USP22: variants seen among roughly 807,000 people sequenced by gnomAD.
The protein encoded by USP22 is ubiquitin specific peptidase 22.
In USP22, 22 loss-of-function variants were observed where a neutral mutation model predicts 68.1. That is an observed-to-expected ratio of 0.32 (90% CI 0.23 to 0.46). The LOEUF is 0.46. USP22 is among the 20% of genes least tolerant of loss of function. The probability of loss-of-function intolerance (pLI) is 1.00; values close to 1 mark genes in which losing one functional copy is unlikely to be tolerated. For missense variants in USP22, 433 were observed against 695.8 expected, an observed-to-expected ratio of 0.62 and a Z score of 4.25; for synonymous variants, 279 against 274.2, an observed-to-expected ratio of 1.02 and a Z score of -0.17.
intron 8 of USP22, among the ~76,000 whole-genome samples, chr17:21,009,083 C>T (rs961289504): frequency 2.1e-5 from 2 of 94,808 alleles, no homozygotes; most frequent in Middle Eastern, 7.6e-3. Flanking sequence ...AAGAGCAAGA[C>T]TCCATTTCAA....
chr17:21,020,996 T>TCTTCCCACCAGCCTGCCA (rs1972150115), intron 3 of USP22, 117 bp downstream of exon 3: 2 of 776,862 alleles, frequency 2.6e-6, no homozygotes, highest in Non-Finnish European at 2.2e-6. Context: ...GGGGACGGCC[T>TCTTCCCACCAGCCTGCCA]CTTCCCACCA....
chr17:21,043,377 G>A (rs1483048703), upstream of USP22: 2 of 212,956 alleles, frequency 9.4e-6, no homozygotes, highest in Non-Finnish European at 1.7e-5. Flanking sequence ...GCCGCCTCCC[G>A]GGACCCTGGC....
chr17:21,016,293 A>C (rs1235677958), intron 5 of USP22, among the ~76,000 whole-genome samples: 2 of 152,216 alleles, frequency 1.3e-5, no homozygotes, highest in Non-Finnish European at 2.9e-5. Context: ...GATTATGCAG[A>C]ATTCACCAGC....
intron 1 of USP22, among the ~76,000 whole-genome samples, chr17:21,035,835 C>T (rs1030085273): frequency 6.6e-6 from 1 of 151,738 alleles, no homozygotes; most frequent in Non-Finnish European, 1.5e-5. Context: ...TCGAGACCAT[C>T]CTGGCTAACA....
At position 21,015,876 on chromosome 17, in the gene USP22, A is replaced by AG; in HGVS notation, c.713dup (p.His239SerfsTer5). The AG allele has an allele frequency of 6.2e-7, 1 of 1,614,132 alleles. No homozygotes were observed. The highest frequency in any genetic ancestry group is 8.5e-7 in the Non-Finnish European group (1 of 1,180,022). ...GGTGCAGCAACTTATACGGGATGTGAGGGGACCGGTGTCCAGAGTAAAACT... is the reference window on the plus strand; with the variant it reads ...GGTGCAGCAACTTATACGGGATGTGAGGGGGACCGGTGTCCAGAGTAAAACT... On this transcript the variant is annotated frameshift_variant, in exon 6 of 13. Coordinates refer to ENST00000261497, the MANE Select transcript of USP22 (RefSeq NM_015276.2). LOFTEE classifies it high-confidence loss of function.
intron 1 of USP22, among the ~76,000 whole-genome samples, chr17:21,032,837 G>T (rs959196730): frequency 2.7e-5 from 4 of 146,392 alleles, no homozygotes; most frequent in African/African-American, 1.0e-4. Flanking sequence ...TACTCAGGAT[G>T]GTTTGAGCCC....
intron 11 of USP22, among the ~76,000 whole-genome samples, chr17:21,004,684 C>T (rs1316622088): frequency 6.6e-6 from 1 of 152,236 alleles, no homozygotes; most frequent in Non-Finnish European, 1.5e-5. Flanking sequence ...CCAGATGGAA[C>T]CTCCCTCCTG....
Position 21,043,010 on chromosome 17 carries a change from A to G in USP22, c.-175T>C. 1 of 326,288 alleles carries G rather than the reference A, an allele frequency of 3.1e-6. No homozygotes were observed. Among genetic ancestry groups the G allele is most frequent in the South Asian group, 1.3e-4 (1 of 7,774 alleles). The allele number at this position is 326,288 out of a possible 1,614,324, so 20.2% of individuals were successfully genotyped here. On this transcript the variant is annotated 5_prime_UTR_variant, in exon 1 of 13. Coordinates refer to ENST00000261497, the MANE Select transcript of USP22 (RefSeq NM_015276.2). ...GCGCGATCGCCGAGGGGAGGCTGCA[A>G]GGCAGGCACCGCCCCCGAGCTGCGG...
At chr17:21,038,466 C>G (rs1972383870) in intron 1 of USP22, among the ~76,000 whole-genome samples, 1 of 152,022 alleles carries the variant, frequency 6.6e-6, no homozygotes, top group African/African-American at 2.4e-5. Context: ...CTCAGAAGTT[C>G]AAGACCAGCC....
rs1913497472 is a variant in USP22 at position 20,999,821 on chromosome 17, A to G, written c.*3210T>C. 2 of 152,264 alleles carry G rather than the reference A, an allele frequency of 1.3e-5. No individual in the cohort carries two copies. Among genetic ancestry groups the G allele is most frequent in the South Asian group, 2.1e-4 (1 of 4,838 alleles). 9.4% of individuals were successfully genotyped at this position (152,264 alleles called of 1,614,324 possible). On this transcript the variant is annotated 3_prime_UTR_variant, in exon 13 of 13. Coordinates refer to ENST00000261497, the MANE Select transcript of USP22 (RefSeq NM_015276.2). Reference sequence around the variant, plus strand: ...AAATTGTCAAAAGAACAGCAATTTTACACAATGAAGAGCATACACACCAAG... The same window carrying G: ...AAATTGTCAAAAGAACAGCAATTTTGCACAATGAAGAGCATACACACCAAG...
At position 21,032,922 on chromosome 17, in the gene USP22, C is replaced by CAAAAAAAA. The variant is rs753804890; in HGVS notation, c.172-4256_172-4249dup. Among the ~76,000 whole-genome samples, 125 of 91,542 alleles carry CAAAAAAAA rather than the reference C, an allele frequency of 1.4e-3. 1 individual carries two copies. Among genetic ancestry groups the CAAAAAAAA allele is most frequent in the South Asian group, 6.4e-3 (16 of 2,510 alleles). 60.1% of individuals were successfully genotyped at this position (91,542 alleles called of 152,430 possible). On this transcript the variant is annotated intron_variant, in intron 1 of 12. Transcript: ENST00000261497. ...TGAGCAACAGAACCAGACCCTGTCTCAAAAAAAAAAAAAAAAAAAAAAAAA... is the reference window on the plus strand; with the variant it reads ...TGAGCAACAGAACCAGACCCTGTCTCAAAAAAAAAAAAAAAAAAAAAAAAAAAAAAAAA...
chr17:21,016,865 G>A (rs115188707), intron 5 of USP22, among the ~76,000 whole-genome samples: 1,571 of 152,186 alleles, frequency 0.01, 27 homozygotes, highest in African/African-American at 0.036. Context: ...TGCATTCGTC[G>A]AAACTCATCT....
chr17:21,011,501 G>A (rs1913969308), intron 7 of USP22, 192 bp from the exon 8 acceptor site: 3 of 662,488 alleles, frequency 4.5e-6, no homozygotes. Context: ...AGGTGGCCCT[G>A]GGGAGGGGTG....
chr17:21,005,178 G>A (rs1248824899), intron 10 of USP22, 188 bp from the exon 11 acceptor site: 1 of 687,656 alleles, frequency 1.5e-6, no homozygotes, highest in Non-Finnish European at 2.4e-6. Flanking sequence ...GGAGGCCCCT[G>A]CCTCAGAGCA....
intron 12 of USP22, 59 bp from the exon 13 acceptor site, chr17:21,003,132 C>A: frequency 6.3e-7 from 1 of 1,596,230 alleles, no homozygotes; most frequent in Non-Finnish European, 8.6e-7. Flanking sequence ...GGAGCCAGAA[C>A]AACCCACCCT....
At chr17:21,010,184 A>G (rs1913910376) in intron 8 of USP22, among the ~76,000 whole-genome samples, 1 of 152,130 alleles carries the variant, frequency 6.6e-6, no homozygotes, top group Non-Finnish European at 1.5e-5. Flanking sequence ...ATAAACATGC[A>G]ACTTTGGTCG....
At position 21,017,922 on chromosome 17, in the gene USP22, C is replaced by A; in HGVS notation, c.690+20G>T. On this transcript the variant is annotated intron_variant, in intron 5 of 12. Transcript: ENST00000261497. Reference sequence around the variant, plus strand: ...ACAAAGTAACAGAAATGTTCCCCTGCAGAAGTCAATGGCGCTCACCTCCTG... The same window carrying A: ...ACAAAGTAACAGAAATGTTCCCCTGAAGAAGTCAATGGCGCTCACCTCCTG... The A allele has an allele frequency of 6.2e-7, 1 of 1,611,260 alleles. No homozygotes were observed. The highest frequency in any genetic ancestry group is 8.5e-7 in the Non-Finnish European group (1 of 1,179,226).
At position 21,004,977 on chromosome 17, in the gene USP22, T is replaced by C; in HGVS notation, c.1336A>G (p.Met446Val). ...GTGGGCTGCTGGTACTGTCCATTCA[T>C]CCTGCTCTCTTTGCTGTAACAGACA... ...PFMASSKESR[M>V]NGQYQQPTDS... Residue 446 changes from methionine to valine, a missense_variant, in exon 11 of 13, where the codon ATG (methionine) becomes GTG (valine). Around this residue, in one of 4 missense-constraint regions of USP22, gnomAD observed 178 missense variants for 351.5 expected, o/e 0.51. Coordinates refer to ENST00000261497, the MANE Select transcript of USP22 (RefSeq NM_015276.2). 6.2e-7 allele frequency: 1 copy of C among 1,614,220 alleles called. No individual in the cohort carries two copies. Among genetic ancestry groups the C allele is most frequent in the Non-Finnish European group, 8.5e-7 (1 of 1,180,038 alleles).
chr17:21,007,909 A>G lies in USP22; in HGVS notation c.1191T>C (p.Thr397=). 6.2e-7 allele frequency: 1 copy of G among 1,614,154 alleles called. No individual in the cohort carries two copies. The highest frequency in any genetic ancestry group is 8.5e-7 in the Non-Finnish European group (1 of 1,180,022). Residue 397 remains threonine (T), a synonymous_variant, in exon 9 of 13, where the codon ACT becomes ACC. Transcript: ENST00000261497. ...AGGCTACGATGGGCAGTTTCTTCAT[A>G]GTGAGCTGCTTTGTGGACTCCTGGT... ...HSYQESTKQL[T]MKKLPIVACF...
Sources: allele counts gnomAD v4.1 joint callset (sites outside exome capture counted in the v4.1 genomes callset), GRCh38; gene constraint gnomAD v4.1.1; regional missense constraint gnomAD v4.1.1; transcripts MANE v1.5; gene names NCBI Gene and HGNC (gene_info 2026-07-23, HGNC 2026-07-21).